ZNF717: variants seen among roughly 807,000 people sequenced by gnomAD.
ZNF717 encodes the protein zinc finger protein 717, also known as krueppel-like factor X17.
In ZNF717, 9 loss-of-function variants were observed where a neutral mutation model predicts 13.8. The observed-to-expected ratio is 0.65, with a 90% CI of 0.39 to 1.14. ZNF717 has a LOEUF of 1.14. Ranked by LOEUF, ZNF717 falls within the 50% of genes most tolerant of loss-of-function variation. The pLI is 0.01. For missense variants in ZNF717, 1,040 were observed against 1,080.7 expected (o/e 0.96, Z 0.53); for synonymous variants, 327 against 364.1 (o/e 0.90, Z 1.16).
chr3:75,695,418 C>A (rs1413135364), intron 6 of ZNF717, among the ~76,000 whole-genome samples: 1 of 152,262 alleles, frequency 6.6e-6, no homozygotes, highest in Non-Finnish European at 1.5e-5. Flanking sequence ...ATTGGATAGA[C>A]CTTCCAAATA....
intron 5 of ZNF717, among the ~76,000 whole-genome samples, chr3:75,713,778 G>T (rs1239224991): frequency 6.6e-6 from 1 of 152,054 alleles, no homozygotes; most frequent in Non-Finnish European, 1.5e-5. Flanking sequence ...AGACAGCTGG[G>T]CCCAGGGGAC....
At chr3:75,707,550 T>C (rs1375816817), downstream of ZNF717, among the ~76,000 whole-genome samples, 13 of 152,382 alleles carry the variant, frequency 8.5e-5, no homozygotes, top group Admixed American at 8.5e-4. Flanking sequence ...GATTTCCGCA[T>C]TTCCATTTGA....
downstream of ZNF717, among the ~76,000 whole-genome samples, chr3:75,727,262 T>C (rs149601078): frequency 3.3e-5 from 5 of 152,226 alleles, no homozygotes; most frequent in African/African-American, 7.2e-5. Flanking sequence ...TCAAATCTGA[T>C]TGTAAAACAT....
Position 75,761,088 on chromosome 3 carries a change from G to A in ZNF717, c.58-19352C>T, listed in dbSNP as rs1267935563. Among the ~76,000 whole-genome samples, 7 of 152,156 alleles carry A rather than the reference G, an allele frequency of 4.6e-5. No homozygotes were observed. In the East Asian group the frequency reaches 1.4e-3, roughly 29 times the overall value. ...AACACAAACCACCATACTGCATCAT[G>A]GAGAAATAAAAAATCCAAAGAGACC... On this transcript the variant is annotated intron_variant, in intron 2 of 4. Transcript: ENST00000652011.
chr3:75,757,850 C>A (rs1942624512), intron 2 of ZNF717, among the ~76,000 whole-genome samples: 1 of 151,600 alleles, frequency 6.6e-6, no homozygotes, highest in African/African-American at 2.4e-5. Context: ...CATGGTGGCT[C>A]ACGCCTGTAA....
chr3:75,748,313 G>A (rs1382709709), intron 2 of ZNF717, among the ~76,000 whole-genome samples: 1 of 152,152 alleles, frequency 6.6e-6, no homozygotes, highest in Non-Finnish European at 1.5e-5. Flanking sequence ...AATAGAAAAA[G>A]AGGGAATCCT....
intron 4 of ZNF717, among the ~76,000 whole-genome samples, chr3:75,740,390 G>T (rs1203971140): frequency 6.6e-6 from 1 of 151,930 alleles, no homozygotes; most frequent in Non-Finnish European, 1.5e-5. Context: ...CCTATGATGG[G>T]TCCTCCTCAG....
chr3:75,782,324 A>G (rs1460159362), intron 2 of ZNF717, among the ~76,000 whole-genome samples: 1 of 152,256 alleles, frequency 6.6e-6, no homozygotes, highest in Non-Finnish European at 1.5e-5. Context: ...AAACTAAGAT[A>G]AAGGTGTGGA....
chr3:75,773,536 T>A (rs1944057359), intron 2 of ZNF717, among the ~76,000 whole-genome samples: 1 of 152,206 alleles, frequency 6.6e-6, no homozygotes, highest in Non-Finnish European at 1.5e-5. Flanking sequence ...AGTTTGATAC[T>A]GGGTGCCAAG....
intron 2 of ZNF717, among the ~76,000 whole-genome samples, chr3:75,761,618 T>C (rs1273429273): frequency 6.6e-6 from 1 of 152,274 alleles, no homozygotes; most frequent in Non-Finnish European, 1.5e-5. Context: ...ATGTAATGTG[T>C]AAAAATCCTG....
chr3:75,761,023 C>A (rs1223524550), intron 2 of ZNF717, among the ~76,000 whole-genome samples: 1 of 151,970 alleles, frequency 6.6e-6, no homozygotes, highest in Non-Finnish European at 1.5e-5. Context: ...CCATATGCCA[C>A]AAAACTGGGC....
chr3:75,726,214 GA>G (rs1938275707), downstream of ZNF717, among the ~76,000 whole-genome samples: 1 of 152,240 alleles, frequency 6.6e-6, no homozygotes, highest in African/African-American at 2.4e-5. Flanking sequence ...TATCATCTGG[GA>G]GAAAATAGCA....
intron 2 of ZNF717, among the ~76,000 whole-genome samples, chr3:75,769,873 A>T (rs1387180569): frequency 6.6e-6 from 1 of 152,254 alleles, no homozygotes; most frequent in Non-Finnish European, 1.5e-5. Context: ...CATGACAGAA[A>T]TGTTTAAACT....
At chr3:75,711,748 T>C (rs1362406274) in intron 5 of ZNF717, among the ~76,000 whole-genome samples, 1 of 152,336 alleles carries the variant, frequency 6.6e-6, no homozygotes, top group South Asian at 2.1e-4. Flanking sequence ...TGAGACCCTG[T>C]CTCAAAAAAT....
At chr3:75,760,254 G>T (rs1942869692) in intron 2 of ZNF717, among the ~76,000 whole-genome samples, 1 of 145,344 alleles carries the variant, frequency 6.9e-6, no homozygotes, top group Admixed American at 6.9e-5. Flanking sequence ...ATGTTGGCCA[G>T]GCTGGTCTCC....
chr3:75,780,812 G>A (rs189575183), intron 2 of ZNF717, among the ~76,000 whole-genome samples: 135 of 152,372 alleles, frequency 8.9e-4, no homozygotes, highest in Admixed American at 8.8e-3. Context: ...CATGCTAAAT[G>A]TAACATAATC....
downstream of ZNF717, among the ~76,000 whole-genome samples, chr3:75,732,727 T>G (rs1213608373): frequency 6.6e-6 from 1 of 152,284 alleles, no homozygotes; most frequent in Non-Finnish European, 1.5e-5. Context: ...GTTATGCTGG[T>G]GGATGGACTA....
chr3:75,758,728 A>G (rs541094203), intron 2 of ZNF717, among the ~76,000 whole-genome samples: 2 of 152,272 alleles, frequency 1.3e-5, no homozygotes, highest in South Asian at 2.1e-4. Context: ...GAAGACTGCA[A>G]CTTGGCCAGG....
At chr3:75,740,122 C>G (rs1940190362) in intron 4 of ZNF717, among the ~76,000 whole-genome samples, 1 of 152,094 alleles carries the variant, frequency 6.6e-6, no homozygotes, top group Non-Finnish European at 1.5e-5. Flanking sequence ...CAGCCGTGCC[C>G]CTCTCCACTC....
Sources: allele counts gnomAD v4.1 joint callset (sites outside exome capture counted in the v4.1 genomes callset), GRCh38; gene constraint gnomAD v4.1.1; transcripts MANE v1.5; gene names NCBI Gene and HGNC (gene_info 2026-07-23, HGNC 2026-07-21).